The following ERGIC1 variants were observed in gnomAD, a reference collection of about 807,000 sequenced individuals.
ERGIC1 encodes the protein endoplasmic reticulum-golgi intermediate compartment 1.
A neutral mutation model predicts 38.3 loss-of-function variants in ERGIC1; 19 were observed. The ratio of observed to expected loss-of-function variants is 0.50; its 90% confidence interval spans 0.35 to 0.73. ERGIC1 has a LOEUF of 0.73. ERGIC1 is among the 30% of genes least tolerant of loss of function. ERGIC1 has a pLI of 0.01. For synonymous variants in ERGIC1, 124 were observed against 157.6 expected (o/e 0.79, Z 1.60); for missense variants, 294 against 389.2 (o/e 0.76, Z 2.06).
chr5:172,881,923 T>C (rs145691492), intron 1 of ERGIC1, among the ~76,000 whole-genome samples: 171 of 152,312 alleles, frequency 1.1e-3, no homozygotes, highest in African/African-American at 3.8e-3. Flanking sequence ...CACATTCTCT[T>C]GACGGAGAGC....
At chr5:172,882,122 C>T (rs1762298776) in intron 1 of ERGIC1, among the ~76,000 whole-genome samples, 1 of 152,168 alleles carries the variant, frequency 6.6e-6, no homozygotes, top group African/African-American at 2.4e-5. Context: ...TTTGAGCTCT[C>T]CCTTTACCCC....
chr5:172,854,178 C>T (rs1350790197), intron 1 of ERGIC1, among the ~76,000 whole-genome samples: 1 of 149,874 alleles, frequency 6.7e-6, no homozygotes, highest in Non-Finnish European at 1.5e-5. Flanking sequence ...TCCAGGAGTT[C>T]GAGACCAGCC....
intron 7 of ERGIC1, among the ~76,000 whole-genome samples, chr5:172,929,249 C>T (rs913217462): frequency 3.9e-5 from 6 of 151,906 alleles, no homozygotes; most frequent in Non-Finnish European, 5.9e-5. Context: ...ACTCCAGTGG[C>T]GGGATAGGGA....
intron 1 of ERGIC1, among the ~76,000 whole-genome samples, chr5:172,888,469 A>T (rs529481230): frequency 1.3e-5 from 2 of 152,182 alleles, no homozygotes; most frequent in South Asian, 4.2e-4. Flanking sequence ...AAAAAAAAAA[A>T]AGAAATGTTA....
intron 3 of ERGIC1, among the ~76,000 whole-genome samples, chr5:172,907,033 C>G (rs1014920678): frequency 6.6e-6 from 1 of 152,330 alleles, no homozygotes; most frequent in African/African-American, 2.4e-5. Context: ...TGCATTCCCC[C>G]CTCACCTCAC....
chr5:172,857,969 G>GAT (rs1761597657), intron 1 of ERGIC1, among the ~76,000 whole-genome samples: 1 of 152,084 alleles, frequency 6.6e-6, no homozygotes. Flanking sequence ...GAACGGCAGG[G>GAT]ATATAGCCCC....
intron 1 of ERGIC1, among the ~76,000 whole-genome samples, chr5:172,865,302 C>A (rs966399065): frequency 6.6e-6 from 1 of 152,102 alleles, no homozygotes; most frequent in Non-Finnish European, 1.5e-5. Context: ...GTGATCCACC[C>A]GCCTTGGCCT....
At position 172,897,186 on chromosome 5, in the gene ERGIC1, T is replaced by C; in HGVS notation, c.155+112T>C. 4 of 1,007,264 alleles carry C rather than the reference T, an allele frequency of 4.0e-6. No individual in the cohort carries two copies. The East Asian group carries it at 1.0e-4, about 25-fold the overall frequency. 62.4% of individuals were successfully genotyped at this position (1,007,264 alleles called of 1,614,324 possible). A position where few individuals can be genotyped will look rare whatever the true frequency, so the allele number is the denominator to read the frequency against. ...GCTAACACCTGTAATCCCAACACTTTGGGAGGCCGAGGCGGGCGGATCACC... is the reference window on the plus strand; with the variant it reads ...GCTAACACCTGTAATCCCAACACTTCGGGAGGCCGAGGCGGGCGGATCACC... On this transcript the variant is annotated intron_variant, in intron 3 of 9. Transcript: ENST00000393784.
At chr5:172,922,263 T>C (rs1016154892) in intron 5 of ERGIC1, 1 of 152,258 alleles carries the variant, frequency 6.6e-6, no homozygotes, top group Non-Finnish European at 1.5e-5. Context: ...CCATTTTCTT[T>C]TCTGTAAAAT....
chr5:172,914,615 C>T, intron 4 of ERGIC1, 99 bp from the exon 5 acceptor site: 1 of 1,604,638 alleles, frequency 6.2e-7, no homozygotes, highest in Non-Finnish European at 8.5e-7. Context: ...CCGGCCTGCC[C>T]CTGCAATGGA....
chr5:172,895,747 C>T (rs1012005789), intron 2 of ERGIC1, among the ~76,000 whole-genome samples: 26 of 151,784 alleles, frequency 1.7e-4, no homozygotes, highest in Admixed American at 1.4e-3. Flanking sequence ...GTTCAGCAAG[C>T]AGAGAGGATA....
rs1443288324 is a variant in ERGIC1, at chr5:172,921,720, C to CA, written c.376-2284dup. 3.9e-5 allele frequency: 6 copies of CA among 152,456 alleles called. No homozygotes were observed. The East Asian group carries it at 1.2e-3, about 29-fold the overall frequency. The allele number at this position is 152,456 out of a possible 1,614,324, so 9.4% of individuals were successfully genotyped here. On this transcript the variant is annotated intron_variant, in intron 5 of 9. Coordinates refer to ENST00000393784, the MANE Select transcript of ERGIC1 (RefSeq NM_001031711.3). ...CCTCTTTGTTTCCTGCTGCTGCCAG[C>CA]ACCGCCACCTCCGTCTCATTTGGAG... is the stretch of plus-strand genomic sequence containing the variant.
rs1163856526 is a variant in ERGIC1 at position 172,837,555 on chromosome 5, T to C, written c.20+3122T>C. Among the ~76,000 whole-genome samples the C allele has an allele frequency of 6.6e-6, 1 of 152,162 alleles. No individual in the cohort carries two copies. Among genetic ancestry groups the C allele is most frequent in the Non-Finnish European group, 1.5e-5 (1 of 68,026 alleles). ...CTGTGCTTGAGCCAAACTCGATCCTTGGAGATGCCTCTTGAAATCTGTCAA... is the reference window on the plus strand; with the variant it reads ...CTGTGCTTGAGCCAAACTCGATCCTCGGAGATGCCTCTTGAAATCTGTCAA... On this transcript the variant is annotated intron_variant, in intron 1 of 9. Coordinates refer to ENST00000393784, the MANE Select transcript of ERGIC1 (RefSeq NM_001031711.3). This position sits in a 1 kb window ranked among gnomAD's most constrained non-coding sequence, Gnocchi z 4.3.
At chr5:172,839,224 G>A (rs1459296646) in intron 1 of ERGIC1, among the ~76,000 whole-genome samples, 2 of 138,854 alleles carry the variant, frequency 1.4e-5, no homozygotes, top group African/African-American at 5.5e-5. Context: ...CTGGCCAACA[G>A]AGCGAGACTC....
chr5:172,878,667 G>A (rs1762206931), intron 1 of ERGIC1, among the ~76,000 whole-genome samples: 1 of 152,098 alleles, frequency 6.6e-6, no homozygotes, highest in Admixed American at 6.6e-5. Flanking sequence ...GGAGAGAGTG[G>A]TATGAACTCA....
intron 9 of ERGIC1, among the ~76,000 whole-genome samples, chr5:172,944,012 C>A (rs1024070078): frequency 3.3e-5 from 5 of 152,294 alleles, no homozygotes; most frequent in Admixed American, 2.0e-4. Context: ...CTGACGGGAC[C>A]CCTGGGAGGA....
chr5:172,848,968 C>G (rs138415250), intron 1 of ERGIC1, among the ~76,000 whole-genome samples: 1 of 152,230 alleles, frequency 6.6e-6, no homozygotes, highest in East Asian at 1.9e-4. Flanking sequence ...GAGGCCACCA[C>G]GTGCCAGCTC....
chr5:172,906,307 A>AT, intron 3 of ERGIC1: 1 of 377,978 alleles, frequency 2.6e-6, no homozygotes, highest in South Asian at 2.0e-5. Flanking sequence ...CTGGGTTGAG[A>AT]TTCTAGCTCG....
intron 3 of ERGIC1, 73 bp from the exon 4 acceptor site, chr5:172,909,594 C>A: frequency 7.2e-7 from 1 of 1,390,922 alleles, no homozygotes; most frequent in South Asian, 1.2e-5. Flanking sequence ...GTGAAGTGAT[C>A]CCCGGCTGTC....
Sources: gnomAD v4.1 joint callset for allele counts (sites outside exome capture counted in the v4.1 genomes callset) on GRCh38, gnomAD v4.1.1 for gene constraint, Gnocchi (gnomAD v3.1) non-coding constraint, MANE v1.5 for transcripts, NCBI Gene and HGNC (gene_info 2026-07-23, HGNC 2026-07-21) for gene names.